CHRNA3: variants seen among roughly 807,000 people sequenced by gnomAD.
The protein encoded by CHRNA3 is cholinergic receptor nicotinic alpha 3 subunit.
Under a neutral mutation model 41.9 loss-of-function variants are expected in CHRNA3, and 34 were observed. That is an observed-to-expected ratio of 0.81 (90% confidence interval 0.62 to 1.08). CHRNA3 has a LOEUF of 1.08. Among genes scored for constraint, CHRNA3 ranks in the 50% least tolerant of loss-of-function variants. The probability of loss-of-function intolerance (pLI) is 0.00; values close to 1 mark genes in which losing one functional copy is unlikely to be tolerated. For missense variants in CHRNA3, 542 were observed against 638.3 expected, an observed-to-expected ratio of 0.85 and a Z score of 1.63; for synonymous variants, 281 against 265.2, an observed-to-expected ratio of 1.06 and a Z score of -0.58.
intron 4 of CHRNA3, among the ~76,000 whole-genome samples, chr15:78,613,465 C>T (rs572635252): frequency 5.8e-4 from 87 of 149,766 alleles, no homozygotes; most frequent in Admixed American, 1.2e-3. Flanking sequence ...CAAACTATCG[C>T]AAGGACAAAA....
At chr15:78,615,060 C>T (rs2053440175) in intron 4 of CHRNA3, among the ~76,000 whole-genome samples, 1 of 152,146 alleles carries the variant, frequency 6.6e-6, no homozygotes, top group Non-Finnish European at 1.5e-5. Context: ...AGAGCAGCTT[C>T]TCTCGATGGC....
Position 78,596,137 on chromosome 15 carries a change from C to T in CHRNA3, c.*467G>A, listed in dbSNP as rs980008832. ...ATAGCCCTTTAGACCCAGTAAAGAA[C>T]GAGAAATGCATGGTAAGAAATGGGT... On this transcript the variant is annotated 3_prime_UTR_variant, in exon 6 of 6. Transcript: ENST00000326828. 5.0e-5 allele frequency: 49 copies of T among 985,434 alleles called. No homozygotes were observed. The highest frequency in any genetic ancestry group is 5.4e-5 in the Non-Finnish European group (45 of 830,088). 61.0% of individuals were successfully genotyped at this position (985,434 alleles called of 1,614,324 possible).
Position 78,608,596 on chromosome 15 carries a change from A to G in CHRNA3, c.378-6332T>C, listed in dbSNP as rs1178085603. ...ACCCATCTGTACGTCACCATCATCA[A>G]AGACCAAAAGTAGATAAAACCACAA... On this transcript the variant is annotated intron_variant, in intron 4 of 5. Coordinates refer to ENST00000326828, the MANE Select transcript of CHRNA3 (RefSeq NM_000743.5). 2.0e-5 allele frequency among the ~76,000 whole-genome samples: 3 copies of G among 152,234 alleles called. No homozygotes were observed. In the East Asian group the frequency reaches 5.8e-4, roughly 29 times the overall value.
chr15:78,598,100 G>C (rs1397186471), intron 5 of CHRNA3, among the ~76,000 whole-genome samples: 1 of 152,170 alleles, frequency 6.6e-6, no homozygotes, highest in Non-Finnish European at 1.5e-5. Flanking sequence ...GAAAAGCAGA[G>C]ACTTGGAGAC....
At chr15:78,609,602 T>G (rs142617926) in intron 4 of CHRNA3, among the ~76,000 whole-genome samples, 4,760 of 152,226 alleles carry the variant, frequency 0.031, 109 homozygotes, top group Non-Finnish European at 0.05. Context: ...AAGGAACAAC[T>G]GGTACCAGCC....
chr15:78,605,111 A>G (rs2053263261), intron 4 of CHRNA3, among the ~76,000 whole-genome samples: 1 of 152,206 alleles, frequency 6.6e-6, no homozygotes, highest in African/African-American at 2.4e-5. Flanking sequence ...AGGCAATTAA[A>G]AAAAGAAAAG....
rs549942175 is a variant in CHRNA3 at position 78,613,878 on chromosome 15, G to A, written c.377+3146C>T. On this transcript the variant is annotated intron_variant, in intron 4 of 5. Coordinates refer to ENST00000326828, the MANE Select transcript of CHRNA3 (RefSeq NM_000743.5). The stretch of plus-strand genomic sequence containing the variant: ...GGAGAATGGCGTGAACCAGGGAGGC[G>A]GAGCTTGCAGTGAGCCCAGATCATG... 1.2e-4 allele frequency among the ~76,000 whole-genome samples: 18 copies of A among 151,848 alleles called. No homozygotes were observed. The South Asian group carries it at 1.9e-3, about 16-fold the overall frequency.
chr15:78,601,627 G>A lies in CHRNA3; in HGVS notation c.1015C>T (p.Pro339Ser), dbSNP rs201264849. 1.1e-5 allele frequency: 18 copies of A among 1,614,152 alleles called. No homozygotes were observed. The highest frequency in any genetic ancestry group is 1.4e-5 in the Non-Finnish European group (16 of 1,180,044). Reference sequence around the variant, plus strand: ...AAGAATACAGTCTTCACCCATGAGGGCATTGTGTGTGTCGTCGGGGTTCTG... The same window carrying A: ...AAGAATACAGTCTTCACCCATGAGGACATTGTGTGTGTCGTCGGGGTTCTG... ...HYRTPTTHTM[P>S]SWVKTVFLNL... The change falls in exon 5 of 6, where the codon CCC (proline) becomes TCC (serine). Residue 339 changes from proline to serine, a missense_variant. Physicochemically the swap from Pro to Ser is moderately conservative, Grantham distance 74 (BLOSUM62 -1). Transcript: ENST00000326828.
intron 4 of CHRNA3, among the ~76,000 whole-genome samples, chr15:78,603,442 G>A (rs1284018132): frequency 1.3e-5 from 2 of 152,334 alleles, no homozygotes; most frequent in African/African-American, 4.8e-5. Context: ...TGAGAGCAAG[G>A]CCAGTTGCTT....
chr15:78,609,178 C>T, intron 4 of CHRNA3, among the ~76,000 whole-genome samples: 1 of 152,164 alleles, frequency 6.6e-6, no homozygotes, highest in East Asian at 1.9e-4. Flanking sequence ...AGGAGAACTT[C>T]CCCAATCTAG....
In CHRNA3 at chr15:78,596,713, T is replaced by C. The variant is rs1413820151; in HGVS notation, c.1409A>G (p.Tyr470Cys). 1.2e-6 allele frequency: 2 copies of C among 1,610,696 alleles called. No individual in the cohort carries two copies. The highest frequency in any genetic ancestry group is 2.2e-5 in the East Asian group (1 of 44,774). ...AATACGATCAATCACCATGGCAACATACTTCCAATCATCTTGAATCTGCAA... is the reference window on the plus strand; with the variant it reads ...AATACGATCAATCACCATGGCAACACACTTCCAATCATCTTGAATCTGCAA... ...EAKEIQDDWK[Y>C]VAMVIDRIFL... is the part of the protein sequence containing the mutation. The change falls in exon 6 of 6, where the codon TAT becomes TGT. Residue 470 changes from tyrosine (Y) to cysteine (C), a missense_variant. Tyr to Cys is a radical substitution (Grantham distance 194). Coordinates refer to ENST00000326828, the MANE Select transcript of CHRNA3 (RefSeq NM_000743.5).
At chr15:78,614,770 T>C (rs1377992588) in intron 4 of CHRNA3, among the ~76,000 whole-genome samples, 2 of 152,224 alleles carry the variant, frequency 1.3e-5, no homozygotes, top group Non-Finnish European at 2.9e-5. Flanking sequence ...GGTACAAAAA[T>C]GATATTCTTC....
At chr15:78,607,126 G>GGCT (rs2053302122) in intron 4 of CHRNA3, among the ~76,000 whole-genome samples, 2 of 151,618 alleles carry the variant, frequency 1.3e-5, no homozygotes, top group Non-Finnish European at 2.9e-5. Flanking sequence ...CTACTCAGGA[G>GGCT]GCTGAGGCAG....
At chr15:78,618,436 G>A in intron 3 of CHRNA3, 181 bp downstream of exon 3, 4 of 646,846 alleles carry the variant, frequency 6.2e-6, no homozygotes, top group Non-Finnish European at 1.1e-5. Context: ...CTTCCAGGGG[G>A]ACTGTAGGGC....
At chr15:78,600,837 CAGCCTGGGCAACAG>C (rs1245692738) in intron 5 of CHRNA3, among the ~76,000 whole-genome samples, 2 of 152,086 alleles carry the variant, frequency 1.3e-5, no homozygotes, top group Non-Finnish European at 2.9e-5. Flanking sequence ...CACTGCACTC[CAGCCTGGGCAACAG>C]AGCAGGACCC....
At position 78,602,103 on chromosome 15, in the gene CHRNA3, C is replaced by T. The variant is rs200640072; in HGVS notation, c.539G>A (p.Trp180Ter). ...YQNCTMKFGS[W>*]SYDKAKIDLV... ...ATCGATTTTCGCCTTATCGTAGGAC[C>T]AGGAACCGAACTTCATGGTACAGTT... The change falls in exon 5 of 6, where the codon TGG becomes TAG. Residue 180 changes from tryptophan (W) to a stop codon, truncating the protein, a stop_gained. Transcript: ENST00000326828. LOFTEE classifies it high-confidence loss of function. The T allele has an allele frequency of 1.5e-5, 25 of 1,614,054 alleles. No individual in the cohort carries two copies. The highest frequency in any genetic ancestry group is 3.3e-5 in the Admixed American group (2 of 60,000).
At chr15:78,598,396 ATCT>A (rs2141321191) in intron 5 of CHRNA3, among the ~76,000 whole-genome samples, 1 of 150,740 alleles carries the variant, frequency 6.6e-6, no homozygotes, top group South Asian at 2.1e-4. Context: ...GAAATTTTAT[ATCT>A]TTTTTTTTTT....
In CHRNA3 at chr15:78,602,233, T is replaced by C. The variant is rs758452997; in HGVS notation, c.409A>G (p.Thr137Ala). The C allele has an allele frequency of 8.7e-6, 14 of 1,613,920 alleles. No homozygotes were observed. The highest frequency in any genetic ancestry group is 1.2e-5 in the Non-Finnish European group (14 of 1,179,892). ...AVGDFQVDDK[T>A]KALLKYTGEV... ...CCAGTGTACTTGAGTAAGGCTTTGG[T>C]CTTGTCGTCCACCTGGAAATCCCCA... is the stretch of plus-strand genomic sequence containing the variant. The change falls in exon 5 of 6, where the codon ACC becomes GCC. Residue 137 changes from threonine to alanine, a missense_variant. By Grantham distance (58) the Thr-to-Ala change is moderately conservative. Transcript: ENST00000326828.
intron 4 of CHRNA3, among the ~76,000 whole-genome samples, chr15:78,615,849 T>C (rs1596083426): frequency 6.7e-6 from 1 of 149,768 alleles, no homozygotes; most frequent in Non-Finnish European, 1.5e-5. Context: ...CAAGCGATTC[T>C]CCTGCCTCAG....
Sources: allele counts gnomAD v4.1 joint callset (sites outside exome capture counted in the v4.1 genomes callset), GRCh38; gene constraint gnomAD v4.1.1; transcripts MANE v1.5; gene names NCBI Gene and HGNC (gene_info 2026-07-23, HGNC 2026-07-21).